The following RIPPLY3 variants were observed in gnomAD, a reference collection of about 807,000 sequenced individuals.
RIPPLY3 encodes protein ripply3.
A neutral mutation model predicts 11.9 loss-of-function variants in RIPPLY3; 8 were observed. The ratio of observed to expected loss-of-function variants is 0.67; its 90% CI spans 0.40 to 1.21. RIPPLY3 has a LOEUF of 1.21. RIPPLY3 is among the 50% of genes most tolerant of loss of function. The probability of loss-of-function intolerance (pLI) is 0.01; values close to 1 mark genes in which losing one functional copy is unlikely to be tolerated. For missense variants in RIPPLY3, 271 were observed against 246.0 expected, an observed-to-expected ratio of 1.10 and a Z score of -0.68; for synonymous variants, 102 against 99.0, an observed-to-expected ratio of 1.03 and a Z score of -0.18.
intron 3 of RIPPLY3, among the ~76,000 whole-genome samples, chr21:37,015,741 T>G (rs1386300481): frequency 2.0e-5 from 3 of 151,872 alleles, no homozygotes; most frequent in African/African-American, 7.3e-5. Flanking sequence ...TATTTTGAGA[T>G]AGGGTCTTGC....
chr21:37,008,465 G>C (rs1252850727), intron 2 of RIPPLY3, among the ~76,000 whole-genome samples: 1 of 151,928 alleles, frequency 6.6e-6, no homozygotes, highest in Non-Finnish European at 1.5e-5. Flanking sequence ...CACTATAAAA[G>C]CATAATCGTA....
chr21:37,007,244 C>T (rs2069473807), intron 1 of RIPPLY3, among the ~76,000 whole-genome samples: 2 of 152,104 alleles, frequency 1.3e-5, no homozygotes, highest in Non-Finnish European at 2.9e-5. Context: ...GTAGCCGTTT[C>T]TGTTGTCCCT....
chr21:37,014,051 C>T (rs1380239252), intron 3 of RIPPLY3, among the ~76,000 whole-genome samples: 3 of 152,144 alleles, frequency 2.0e-5, no homozygotes, highest in Non-Finnish European at 2.9e-5. Context: ...CATGGTGGCT[C>T]ATGCCTGTAA....
chr21:37,014,964 G>A (rs1434968433), intron 3 of RIPPLY3, among the ~76,000 whole-genome samples: 1 of 152,166 alleles, frequency 6.6e-6, no homozygotes, highest in Non-Finnish European at 1.5e-5. Context: ...CTGGGCTCAA[G>A]CTATCCTCTT....
intron 2 of RIPPLY3, among the ~76,000 whole-genome samples, chr21:37,011,826 G>A (rs1372523519): frequency 2.0e-5 from 3 of 149,978 alleles, no homozygotes; most frequent in East Asian, 2.0e-4. Context: ...GGTGGCATGC[G>A]CCTGTAGTCC....
At chr21:37,009,886 C>T (rs2069502892) in intron 2 of RIPPLY3, among the ~76,000 whole-genome samples, 1 of 141,826 alleles carries the variant, frequency 7.1e-6, no homozygotes, top group African/African-American at 2.6e-5. Flanking sequence ...TAGAGCCCGC[C>T]AATCCTCACC....
chr21:37,008,341 C>T lies in RIPPLY3; in HGVS notation c.171+118C>T, dbSNP rs1015208767. 1.1e-5 allele frequency: 11 copies of T among 1,017,180 alleles called. No homozygotes were observed. The Admixed American group carries it at 2.5e-4, about 23-fold the overall frequency. 63.0% of individuals were successfully genotyped at this position (1,017,180 alleles called of 1,614,324 possible). ...AGGGCCGTCCCTTGGGCGTCTAACC[C>T]AGGAGCGCCTCGGGGTCTGGGAGTT... On this transcript the variant is annotated intron_variant, in intron 2 of 3. Coordinates refer to ENST00000329553, the MANE Select transcript of RIPPLY3 (RefSeq NM_018962.3).
At chr21:37,009,888 A>G (rs1355783294) in intron 2 of RIPPLY3, among the ~76,000 whole-genome samples, 4 of 141,452 alleles carry the variant, frequency 2.8e-5, no homozygotes, top group Admixed American at 2.0e-4. Context: ...GAGCCCGCCA[A>G]TCCTCACCCC....
At chr21:37,015,826 G>A (rs117685969) in intron 3 of RIPPLY3, among the ~76,000 whole-genome samples, 2,034 of 151,276 alleles carry the variant, frequency 0.013, 33 homozygotes, top group East Asian at 0.073. Flanking sequence ...CTTCCATCTC[G>A]GCCTCTGGAG....
chr21:37,013,693 A>G, intron 3 of RIPPLY3, 75 bp downstream of exon 3: 4 of 1,049,216 alleles, frequency 3.8e-6, no homozygotes, highest in South Asian at 1.4e-5. Flanking sequence ...AGTGTCTTCA[A>G]CCACATAGAT....
In RIPPLY3 at chr21:37,017,956, A is replaced by G. The variant is rs1387208553; in HGVS notation, c.322A>G (p.Thr108Ala). Residue 108 changes from threonine to alanine, a missense_variant, in exon 4 of 4, where the codon ACG becomes GCG. By Grantham distance (58) the Thr-to-Ala change is moderately conservative (BLOSUM62 0). Transcript: ENST00000329553. The part of the protein sequence containing the change: ...QVLASFPVQA[T>A]IDFYDDESTE... ...ACTGGCCAGTTTCCCAGTGCAAGCC[A>G]CGATTGACTTCTACGACGATGAGTC... 1 of 1,614,194 alleles carries G rather than the reference A, an allele frequency of 6.2e-7. No homozygotes were observed.
chr21:37,007,918 G>C (rs1177492410), intron 1 of RIPPLY3, among the ~76,000 whole-genome samples: 3 of 152,196 alleles, frequency 2.0e-5, no homozygotes, highest in Admixed American at 1.3e-4. Context: ...AATTGTGTGA[G>C]ATTCGGGACC....
rs1214302704 is a variant in RIPPLY3 at position 37,018,441 on chromosome 21, G to C, written c.*234G>C. On this transcript the variant is annotated 3_prime_UTR_variant, in exon 4 of 4. Coordinates refer to ENST00000329553, the MANE Select transcript of RIPPLY3 (RefSeq NM_018962.3). ...CTTTGAGAAAGGATTCTAGGAGAAA[G>C]AGAAGGTCTATGTCAACAGAGTTGT... 3 of 555,094 alleles carry C rather than the reference G, an allele frequency of 5.4e-6. No homozygotes were observed. Among genetic ancestry groups the C allele is most frequent in the Middle Eastern group, 9.5e-4 (2 of 2,110 alleles). 34.4% of individuals were successfully genotyped at this position (555,094 alleles called of 1,614,324 possible). A position where few individuals can be genotyped will look rare whatever the true frequency, so the allele number is the denominator to read the frequency against.
intron 3 of RIPPLY3, 62 bp from the exon 4 acceptor site, chr21:37,017,812 C>T: frequency 7.0e-7 from 1 of 1,429,668 alleles, no homozygotes; most frequent in Non-Finnish European, 9.4e-7. Context: ...AAAGCACCCT[C>T]TAGAAGCAAT....
In RIPPLY3 at chr21:37,008,179, A is replaced by G. The variant is rs1032313643; in HGVS notation, c.127A>G (p.Ile43Val). The stretch of plus-strand genomic sequence containing the variant: ...CAGCCCCGCGCCGTGGCGACCTTGG[A>G]TCCAGACACCTGGAGATGCTGAGCT... ...PESPAPWRPW[I>V]QTPGDAELTR... The change falls in exon 2 of 4, where the codon ATC (isoleucine) becomes GTC (valine). Residue 43 changes from isoleucine to valine, a missense_variant. Transcript: ENST00000329553. The G allele has an allele frequency of 1.9e-6, 3 of 1,614,122 alleles. No individual in the cohort carries two copies. The highest frequency in any genetic ancestry group is 1.7e-6 in the Non-Finnish European group (2 of 1,180,014).
rs889346210 is a variant in RIPPLY3, at chr21:37,018,654, T to C, written c.*447T>C. On this transcript the variant is annotated 3_prime_UTR_variant, in exon 4 of 4. Coordinates refer to ENST00000329553, the MANE Select transcript of RIPPLY3 (RefSeq NM_018962.3). ...TTTTAATCTATCATCCAAGGGTAGA[T>C]GTAGTTGCTTAGTAGCATTTTGGAA... 1.9e-5 allele frequency: 3 copies of C among 155,514 alleles called. No individual in the cohort carries two copies. Among genetic ancestry groups the C allele is most frequent in the African/African-American group, 7.2e-5 (3 of 41,510 alleles). The allele number at this position is 155,514 out of a possible 1,614,324, so 9.6% of individuals were successfully genotyped here.
In RIPPLY3 at chr21:37,009,120, T is replaced by C. The variant is rs185453443; in HGVS notation, c.171+897T>C. Among the ~76,000 whole-genome samples the C allele has an allele frequency of 3.0e-4, 45 of 152,326 alleles. No individual in the cohort carries two copies. In the East Asian group the frequency reaches 5.0e-3, roughly 17 times the overall value. ...ATTAATGACCTCCACCATTCTTTTG[T>C]TACTCTGCATTGGTAACTCAGTTGC... is the stretch of plus-strand genomic sequence containing the variant. On this transcript the variant is annotated intron_variant, in intron 2 of 3. Transcript: ENST00000329553.
Position 37,006,811 on chromosome 21 carries a change from G to C in RIPPLY3, c.39G>C (p.Arg13=), listed in dbSNP as rs2069468751. 1 of 1,230,496 alleles carries C rather than the reference G, an allele frequency of 8.1e-7. No individual in the cohort carries two copies. Among genetic ancestry groups the C allele is most frequent in the Admixed American group, 4.3e-5 (1 of 23,462 alleles). The allele number at this position is 1,230,496 out of a possible 1,614,324, so 76.2% of individuals were successfully genotyped here. A position where few individuals can be genotyped will look rare whatever the true frequency, so the allele number is the denominator to read the frequency against. Residue 13 remains arginine, a synonymous_variant, in exon 1 of 4, where the codon CGG becomes CGC. Transcript: ENST00000329553. This position sits in a 1 kb window ranked among gnomAD's most constrained non-coding sequence, Gnocchi z 5.2. ...PEAAAGARKA[R]GRGCHCPGDA... is the part of the protein sequence containing the mutation. ...CGGCGGCCGGAGCCCGGAAGGCGCGGGGGCGCGGCTGTCACTGCCCCGGGG... is the reference window on the plus strand; with the variant it reads ...CGGCGGCCGGAGCCCGGAAGGCGCGCGGGCGCGGCTGTCACTGCCCCGGGG...
intron 3 of RIPPLY3, among the ~76,000 whole-genome samples, chr21:37,016,936 A>G (rs903702908): frequency 2.0e-5 from 3 of 152,156 alleles, no homozygotes; most frequent in Non-Finnish European, 4.4e-5. Context: ...TGGGCGAATC[A>G]TTTGAGGTCA....
Sources: gnomAD v4.1 joint callset for allele counts (sites outside exome capture counted in the v4.1 genomes callset) on GRCh38, gnomAD v4.1.1 for gene constraint, Gnocchi (gnomAD v3.1) non-coding constraint, MANE v1.5 for transcripts, NCBI Gene and HGNC (gene_info 2026-07-23, HGNC 2026-07-21) for gene names.